OSBPL10: variants seen among roughly 807,000 people sequenced by gnomAD.
The protein encoded by OSBPL10 is oxysterol-binding protein-related protein 10.
In OSBPL10, 49 loss-of-function variants were observed where a neutral mutation model predicts 81.7. The ratio of observed to expected loss-of-function variants is 0.60; its 90% confidence interval spans 0.48 to 0.76. The LOEUF (loss-of-function observed/expected upper bound fraction) is 0.76. Among genes scored for constraint, OSBPL10 ranks in the 30% least tolerant of loss-of-function variants. The pLI is 0.00. For missense variants in OSBPL10, 923 were observed against 987.8 expected, an observed-to-expected ratio of 0.93 and a Z score of 0.88; for synonymous variants, 419 against 383.6, an observed-to-expected ratio of 1.09 and a Z score of -1.08.
At chr3:31,680,108 A>G (rs775645998) in intron 8 of OSBPL10, among the ~76,000 whole-genome samples, 48 of 152,162 alleles carry the variant, frequency 3.2e-4, no homozygotes, top group Non-Finnish European at 6.2e-4. Flanking sequence ...GGCAGAGTTC[A>G]GGAGAACAAG....
chr3:31,753,185 A>ATT (rs34050690), intron 4 of OSBPL10, among the ~76,000 whole-genome samples: 2 of 141,000 alleles, frequency 1.4e-5, no homozygotes, highest in Non-Finnish European at 1.5e-5. Flanking sequence ...TGCTTCAAGG[A>ATT]TTTTTTTTTT....
intron 8 of OSBPL10, among the ~76,000 whole-genome samples, chr3:31,677,897 A>C (rs1381958011): frequency 1.3e-5 from 2 of 149,340 alleles, no homozygotes; most frequent in Non-Finnish European, 3.0e-5. Flanking sequence ...CTGGCTAACA[A>C]GGTGAAACCC....
At chr3:31,806,025 G>C (rs1413580418) in intron 4 of OSBPL10, among the ~76,000 whole-genome samples, 2 of 152,206 alleles carry the variant, frequency 1.3e-5, no homozygotes, top group African/African-American at 4.8e-5. Flanking sequence ...ACTCTTCATA[G>C]GTATCTTGTG....
intron 1 of OSBPL10, among the ~76,000 whole-genome samples, chr3:32,060,366 C>A (rs1699745005): frequency 6.6e-6 from 1 of 152,194 alleles, no homozygotes; most frequent in South Asian, 2.1e-4. Flanking sequence ...GCTCATCCAT[C>A]TTTCTCTGTC....
chr3:31,974,535 C>A (rs1698642929), intron 1 of OSBPL10, among the ~76,000 whole-genome samples: 1 of 152,124 alleles, frequency 6.6e-6, no homozygotes, highest in African/African-American at 2.4e-5. Flanking sequence ...TATATTCATA[C>A]CACGGAATAC....
At chr3:31,922,067 T>C (rs900378098) in intron 1 of OSBPL10, among the ~76,000 whole-genome samples, 1 of 152,174 alleles carries the variant, frequency 6.6e-6, no homozygotes, top group Non-Finnish European at 1.5e-5. Flanking sequence ...TGAGAAACTG[T>C]CATCGCAGTC....
At chr3:31,747,836 A>G (rs1057184448) in intron 5 of OSBPL10, 74 bp downstream of exon 5, 1 of 1,436,380 alleles carries the variant, frequency 7.0e-7, no homozygotes, top group Admixed American at 1.7e-5. Context: ...ATGGAATTAA[A>G]GGAGGAAGAC....
rs192757276 is a variant in OSBPL10, at chr3:31,966,578, C to T, written c.281+14321G>A. ...AACAAAAAGAAACACGAACAAGTTA[C>T]CAATATCAGGGAGAAGAAAAAGGGG... On this transcript the variant is annotated intron_variant, in intron 1 of 11. Coordinates refer to ENST00000396556, the MANE Select transcript of OSBPL10 (RefSeq NM_017784.5). Among the ~76,000 whole-genome samples, 259 of 151,896 alleles carry T rather than the reference C, an allele frequency of 1.7e-3. 1 individual carries two copies. Among genetic ancestry groups the T allele is most frequent in the Middle Eastern group, 0.014 (4 of 294 alleles).
intron 1 of OSBPL10, among the ~76,000 whole-genome samples, chr3:31,894,536 T>C (rs1432022460): frequency 6.6e-6 from 1 of 152,218 alleles, no homozygotes; most frequent in Non-Finnish European, 1.5e-5. Context: ...CCTAATTTAT[T>C]GTCAAGCAAA....
intron 8 of OSBPL10, among the ~76,000 whole-genome samples, chr3:31,676,049 C>CATAAGAG: frequency 6.6e-6 from 1 of 151,820 alleles, no homozygotes; most frequent in Non-Finnish European, 1.5e-5. Context: ...TGTAATACTG[C>CATAAGAG]ATAAGAGATA....
chr3:32,020,688 G>A (rs1699354722), intron 2 of OSBPL10, among the ~76,000 whole-genome samples: 1 of 151,352 alleles, frequency 6.6e-6, no homozygotes, highest in African/African-American at 2.4e-5. Flanking sequence ...TAGGCAAAAT[G>A]TTCATTAATG....
At chr3:31,827,569 G>A (rs1365244397) in intron 4 of OSBPL10, among the ~76,000 whole-genome samples, 2 of 151,930 alleles carry the variant, frequency 1.3e-5, no homozygotes, top group Non-Finnish European at 2.9e-5. Flanking sequence ...CCGGGAGGCA[G>A]AGCTTGCACT....
chr3:31,922,543 G>A (rs978216958), intron 1 of OSBPL10, among the ~76,000 whole-genome samples: 5 of 152,110 alleles, frequency 3.3e-5, no homozygotes, highest in East Asian at 3.9e-4. Context: ...GCTTGAACCC[G>A]GGAGGCGGAG....
chr3:31,925,482 ATTTT>A (rs34746076), intron 1 of OSBPL10, among the ~76,000 whole-genome samples: 36 of 147,296 alleles, frequency 2.4e-4, no homozygotes, highest in Non-Finnish European at 3.4e-4. Context: ...CATGCAAAGC[ATTTT>A]TTTTTTTTTT....
intron 1 of OSBPL10, among the ~76,000 whole-genome samples, chr3:31,891,086 T>G (rs1439130838): frequency 6.6e-6 from 1 of 152,176 alleles, no homozygotes; most frequent in Non-Finnish European, 1.5e-5. Flanking sequence ...GCTTTTTCCC[T>G]AAACATCAAC....
intron 3 of OSBPL10, among the ~76,000 whole-genome samples, chr3:31,875,909 C>T (rs1701458914): frequency 6.6e-6 from 1 of 152,094 alleles, no homozygotes; most frequent in South Asian, 2.1e-4. Context: ...AAAATGCCCA[C>T]CTCCTACCTC....
chr3:32,018,514 C>A (rs2125543873), intron 2 of OSBPL10, among the ~76,000 whole-genome samples: 1 of 152,162 alleles, frequency 6.6e-6, no homozygotes, highest in Non-Finnish European at 1.5e-5. Flanking sequence ...AAAGGGAAAC[C>A]ACACTGGAAA....
chr3:31,996,240 T>A (rs1433719218), intron 2 of OSBPL10, among the ~76,000 whole-genome samples: 2 of 152,186 alleles, frequency 1.3e-5, no homozygotes, highest in Non-Finnish European at 2.9e-5. Flanking sequence ...GAAAATACAA[T>A]TCAATGTTCC....
intron 1 of OSBPL10, among the ~76,000 whole-genome samples, chr3:32,074,501 T>C (rs1291806751): frequency 6.6e-6 from 1 of 152,184 alleles, no homozygotes; most frequent in Non-Finnish European, 1.5e-5. Context: ...ATAAGCCCTC[T>C]ATCATTACTG....
Sources: allele counts gnomAD v4.1 joint callset (sites outside exome capture counted in the v4.1 genomes callset), GRCh38; gene constraint gnomAD v4.1.1; transcripts MANE v1.5; gene names NCBI Gene and HGNC (gene_info 2026-07-23, HGNC 2026-07-21).